The following TRIB3 variants were observed in gnomAD, a reference collection of about 807,000 sequenced individuals.
TRIB3 encodes tribbles homolog 3.
Under a neutral mutation model 16.6 loss-of-function variants are expected in TRIB3, and 20 were observed. The ratio of observed to expected loss-of-function variants is 1.20; its 90% CI spans 0.85 to 1.75. TRIB3 has a LOEUF of 1.75. Among genes scored for constraint, TRIB3 ranks in the 40% most tolerant of loss-of-function variants. The pLI is 0.00. For synonymous variants in TRIB3, 208 were observed against 217.0 expected (o/e 0.96, Z 0.36); for missense variants, 484 against 488.9 (o/e 0.99, Z 0.10).
rs1194599708 is a variant in TRIB3 at position 397,446 on chromosome 20, G to A, written c.*756G>A. ...CCTGTGGCCACCTGGAAAGTCCCAG[G>A]TGGGACTCTTCTGGGGACACTTGGG... On this transcript the variant is annotated 3_prime_UTR_variant, in exon 4 of 4. Coordinates refer to ENST00000217233, the MANE Select transcript of TRIB3 (RefSeq NM_021158.5). 6.6e-6 allele frequency: 1 copy of A among 152,210 alleles called. No individual in the cohort carries two copies. Among genetic ancestry groups the A allele is most frequent in the Non-Finnish European group, 1.5e-5 (1 of 68,044 alleles). The allele number at this position is 152,210 out of a possible 1,614,324, so 9.4% of individuals were successfully genotyped here. A position where few individuals can be genotyped will look rare whatever the true frequency, so the allele number is the denominator to read the frequency against.
At chr20:387,965 G>C in intron 1 of TRIB3, 46 bp from the exon 2 acceptor site, 1 of 1,579,502 alleles carries the variant, frequency 6.3e-7, no homozygotes, top group African/African-American at 1.3e-5. Context: ...GAAAGGAGGG[G>C]CCACCAAGCA....
chr20:391,990 C>T (rs953787020), intron 3 of TRIB3, among the ~76,000 whole-genome samples: 1 of 151,732 alleles, frequency 6.6e-6, no homozygotes, highest in African/African-American at 2.4e-5. Flanking sequence ...CCACTGCACT[C>T]CAGCCTCGGC....
chr20:382,601 A>G (rs1216385713), intron 1 of TRIB3: 10 of 1,531,678 alleles, frequency 6.5e-6, no homozygotes, highest in Admixed American at 2.0e-5. Flanking sequence ...AATAATGACC[A>G]TTTCCTGACA....
intron 1 of TRIB3, among the ~76,000 whole-genome samples, chr20:387,069 G>A (rs1395645174): frequency 6.6e-6 from 1 of 152,122 alleles, no homozygotes; most frequent in Non-Finnish European, 1.5e-5. Context: ...CATTTACATG[G>A]CTCAAATTCA....
chr20:388,433 G>A, intron 2 of TRIB3, 132 bp downstream of exon 2: 2 of 1,211,822 alleles, frequency 1.7e-6, no homozygotes, highest in Non-Finnish European at 2.2e-6. Context: ...GAAGCATCCA[G>A]GGAGCCCCTG....
intron 3 of TRIB3, among the ~76,000 whole-genome samples, chr20:392,681 C>T (rs2015014303): frequency 2.0e-5 from 3 of 151,656 alleles, no homozygotes; most frequent in Admixed American, 6.6e-5. Context: ...CTCAGCCTCC[C>T]GAATAGCTGG....
chr20:385,208 G>A (rs2014767734), intron 1 of TRIB3, among the ~76,000 whole-genome samples: 3 of 152,142 alleles, frequency 2.0e-5, no homozygotes, highest in Admixed American at 1.3e-4. Flanking sequence ...TGCCTCCTGG[G>A]TTCAAGCAAC....
chr20:396,565 G>A lies in TRIB3; in HGVS notation c.952G>A (p.Asp318Asn). 1 of 1,613,162 alleles carries A rather than the reference G, an allele frequency of 6.2e-7. No individual in the cohort carries two copies. Among genetic ancestry groups the A allele is most frequent in the South Asian group, 1.1e-5 (1 of 91,086 alleles). The change falls in exon 4 of 4, where the codon GAC (aspartate) becomes AAC (asparagine). Residue 318 changes from aspartate (D) to asparagine (N), a missense_variant. By Grantham distance (23) the Asp-to-Asn change is conservative. Coordinates refer to ENST00000217233, the MANE Select transcript of TRIB3 (RefSeq NM_021158.5). ...CCTCCTGCACCCCTGGCTGCGACAG[G>A]ACCCGATGCCCTTAGCCCCAACCCG... ...GILLHPWLRQ[D>N]PMPLAPTRSH...
chr20:388,316 G>T lies in TRIB3; in HGVS notation c.291+15G>T. The T allele has an allele frequency of 6.3e-7, 1 of 1,586,484 alleles. No individual in the cohort carries two copies. Among genetic ancestry groups the T allele is most frequent in the South Asian group, 1.1e-5 (1 of 89,652 alleles). On this transcript the variant is annotated intron_variant, in intron 2 of 3. Coordinates refer to ENST00000217233, the MANE Select transcript of TRIB3 (RefSeq NM_021158.5). ...ATACCTGCAAGGTACGTGCCCATGG[G>T]CGGCTGTCCCCCAGCACCACAGGAG...
In TRIB3 at chr20:388,404, C is replaced by A. The variant is rs1316253890; in HGVS notation, c.291+103C>A. The A allele has an allele frequency of 1.4e-5, 19 of 1,381,166 alleles. No homozygotes were observed. In the East Asian group the frequency reaches 1.5e-4, roughly 11 times the overall value. 85.6% of individuals were successfully genotyped at this position (1,381,166 alleles called of 1,614,324 possible). On this transcript the variant is annotated intron_variant, in intron 2 of 3. Transcript: ENST00000217233. Reference sequence around the variant, plus strand: ...AGAGGGGTCCTTATGTTCATTCATTCTTGTGTTTGTTTAGTGGGGAAGCAT... The same window carrying A: ...AGAGGGGTCCTTATGTTCATTCATTATTGTGTTTGTTTAGTGGGGAAGCAT...
intron 1 of TRIB3, among the ~76,000 whole-genome samples, chr20:384,090 GC>G (rs1460625660): frequency 1.3e-5 from 2 of 151,952 alleles, no homozygotes; most frequent in African/African-American, 4.8e-5. Context: ...CCTCCTATGA[GC>G]CCTTAACTTC....
At chr20:394,620 C>T (rs1275755996) in intron 3 of TRIB3, among the ~76,000 whole-genome samples, 2 of 151,724 alleles carry the variant, frequency 1.3e-5, no homozygotes, top group African/African-American at 2.4e-5. Context: ...CCCATCTGTA[C>T]AAAAAATTTA....
Position 396,279 on chromosome 20 carries a change from C to G in TRIB3, c.666C>G (p.Cys222Trp), listed in dbSNP as rs2015120261. Residue 222 changes from cysteine (C) to tryptophan (W), a missense_variant, in exon 4 of 4, where the codon TGC becomes TGG. Coordinates refer to ENST00000217233, the MANE Select transcript of TRIB3 (RefSeq NM_021158.5). Reference sequence around the variant, plus strand: ...ATTCCCTGTGGGACAAGCACGCGTGCCCAGCCTACGTGGGACCTGAGATAC... The same window carrying G: ...ATTCCCTGTGGGACAAGCACGCGTGGCCAGCCTACGTGGGACCTGAGATAC... ...PDDSLWDKHA[C>W]PAYVGPEILS... is the part of the protein sequence containing the mutation. The G allele has an allele frequency of 6.2e-7, 1 of 1,613,918 alleles. No individual in the cohort carries two copies. Among genetic ancestry groups the G allele is most frequent in the South Asian group, 1.1e-5 (1 of 91,084 alleles).
At chr20:384,231 C>T (rs1459151647) in intron 1 of TRIB3, among the ~76,000 whole-genome samples, 1 of 152,180 alleles carries the variant, frequency 6.6e-6, no homozygotes, top group Non-Finnish European at 1.5e-5. Flanking sequence ...ATGATGTTCC[C>T]CTGCTGAAAT....
intron 1 of TRIB3, among the ~76,000 whole-genome samples, chr20:383,633 T>C (rs1360673991): frequency 6.6e-6 from 1 of 151,898 alleles, no homozygotes; most frequent in Non-Finnish European, 1.5e-5. Flanking sequence ...AGGGACAGGG[T>C]CTCGCTACGT....
chr20:391,535 G>A lies in TRIB3; in HGVS notation c.540G>A (p.Leu180=). The A allele has an allele frequency of 6.2e-7, 1 of 1,613,298 alleles. No individual in the cohort carries two copies. The change falls in exon 3 of 4, where the codon CTG becomes CTA. Residue 180 remains leucine, a synonymous_variant. Transcript: ENST00000217233. ...ACTGTCACCAGCACGGTCTGGTCCT[G>A]CGTGATCTCAAGCTGTGTCGCTTTG... ...LAHCHQHGLV[L]RDLKLCRFVF...
chr20:395,211 G>A (rs1190445778), intron 3 of TRIB3, among the ~76,000 whole-genome samples: 1 of 151,088 alleles, frequency 6.6e-6, no homozygotes, highest in African/African-American at 2.4e-5. Flanking sequence ...CCAGGCCGGA[G>A]TGCAGTGGCG....
At chr20:389,584 C>T (rs920160535) in intron 2 of TRIB3, among the ~76,000 whole-genome samples, 36 of 152,176 alleles carry the variant, frequency 2.4e-4, no homozygotes, top group African/African-American at 8.0e-4. Context: ...CACAGATCTC[C>T]AGCGCCCTTA....
At position 396,446 on chromosome 20, in the gene TRIB3, A is replaced by G. The variant is rs372839206; in HGVS notation, c.833A>G (p.Tyr278Cys). Residue 278 changes from tyrosine to cysteine, a missense_variant, in exon 4 of 4, where the codon TAC becomes TGC. Physicochemically the swap from Tyr to Cys is radical, Grantham distance 194 (BLOSUM62 -2). Transcript: ENST00000217233. ...LLFGKIRRGA[Y>C]ALPAGLSAPA... is the part of the protein sequence containing the mutation. ...TTCGGCAAGATCCGCCGCGGGGCCT[A>G]CGCCTTGCCTGCAGGCCTCTCGGCC... The G allele has an allele frequency of 3.1e-6, 5 of 1,612,736 alleles. No individual in the cohort carries two copies. The highest frequency in any genetic ancestry group is 2.7e-5 in the African/African-American group (2 of 74,952).
Sources: allele counts gnomAD v4.1 joint callset (sites outside exome capture counted in the v4.1 genomes callset), GRCh38; gene constraint gnomAD v4.1.1; transcripts MANE v1.5; gene names NCBI Gene and HGNC (gene_info 2026-07-23, HGNC 2026-07-21).